ABHD17C: variants seen among roughly 807,000 people sequenced by gnomAD.
ABHD17C encodes the protein alpha/beta hydrolase domain-containing protein 17C.
ABHD17C carries 11 observed loss-of-function variants against 27.9 expected under a neutral mutation model. The observed-to-expected ratio is 0.39, with a 90% CI of 0.25 to 0.65. The LOEUF is 0.65. Ranked by LOEUF, ABHD17C falls within the 30% of genes least tolerant of loss-of-function variation. The pLI is 0.45. For missense variants in ABHD17C, 280 were observed against 470.2 expected (o/e 0.60, Z 3.74); for synonymous variants, 233 against 209.1 (o/e 1.11, Z -0.98).
At position 80,713,643 on chromosome 15, in the gene ABHD17C, A is replaced by G. The variant is rs1427363799; in HGVS notation, c.590+17624A>G. ...GCCAACATAGTGAAACTCCGTCTCTACTAAAAATACAAAAAATTAGCCGAG... is the reference window on the plus strand; with the variant it reads ...GCCAACATAGTGAAACTCCGTCTCTGCTAAAAATACAAAAAATTAGCCGAG... On this transcript the variant is annotated intron_variant, in intron 1 of 2. Transcript: ENST00000258884. Among the ~76,000 whole-genome samples, 4 of 151,958 alleles carry G rather than the reference A, an allele frequency of 2.6e-5. No individual in the cohort carries two copies. The South Asian group carries it at 8.3e-4, about 32-fold the overall frequency.
intron 1 of ABHD17C, among the ~76,000 whole-genome samples, chr15:80,744,130 T>G (rs573658748): frequency 6.9e-6 from 1 of 144,404 alleles, no homozygotes; most frequent in South Asian, 2.2e-4. Flanking sequence ...TTTATGTAAT[T>G]TAATCTGAGA....
At chr15:80,734,847 G>A (rs988656049) in intron 1 of ABHD17C, among the ~76,000 whole-genome samples, 2 of 152,212 alleles carry the variant, frequency 1.3e-5, no homozygotes, top group South Asian at 2.1e-4. Flanking sequence ...ATTAGGTAAA[G>A]CTTGTCTTGA....
chr15:80,749,984 A>G (rs1366343951), intron 2 of ABHD17C, among the ~76,000 whole-genome samples: 4 of 152,182 alleles, frequency 2.6e-5, no homozygotes, highest in Admixed American at 2.6e-4. Flanking sequence ...AACAGCACCC[A>G]TACATCCTAA....
At chr15:80,720,102 C>G (rs1894872551) in intron 1 of ABHD17C, among the ~76,000 whole-genome samples, 1 of 152,170 alleles carries the variant, frequency 6.6e-6, no homozygotes, top group Non-Finnish European at 1.5e-5. Flanking sequence ...AACCAGCCTC[C>G]TTTTCTTTTT....
At chr15:80,750,571 G>A (rs1895352878) in intron 2 of ABHD17C, among the ~76,000 whole-genome samples, 2 of 152,120 alleles carry the variant, frequency 1.3e-5, no homozygotes, top group African/African-American at 4.8e-5. Context: ...AAAGATCATC[G>A]TTTGGTTACA....
chr15:80,737,921 T>C (rs1195426948), intron 1 of ABHD17C, among the ~76,000 whole-genome samples: 1 of 152,164 alleles, frequency 6.6e-6, no homozygotes, highest in African/African-American at 2.4e-5. Flanking sequence ...AGCACAGTGA[T>C]TGTCCAAAGA....
At chr15:80,723,495 G>A (rs554009398) in intron 1 of ABHD17C, among the ~76,000 whole-genome samples, 1 of 152,124 alleles carries the variant, frequency 6.6e-6, no homozygotes, top group Non-Finnish European at 1.5e-5. Flanking sequence ...ATCTCTTGTT[G>A]AATTACCATA....
At chr15:80,713,284 A>G (rs538962147) in intron 1 of ABHD17C, among the ~76,000 whole-genome samples, 28 of 143,386 alleles carry the variant, frequency 2.0e-4, no homozygotes, top group Non-Finnish European at 3.0e-4. Flanking sequence ...CTATGAGAGT[A>G]TAGTTAAGGG....
chr15:80,745,646 C>A (rs571480316), intron 1 of ABHD17C, among the ~76,000 whole-genome samples: 1 of 151,804 alleles, frequency 6.6e-6, no homozygotes, highest in African/African-American at 2.4e-5. Flanking sequence ...GGATTACAGG[C>A]GTGAGCCATC....
chr15:80,731,952 T>C (rs1308322047), intron 1 of ABHD17C, among the ~76,000 whole-genome samples: 1 of 152,240 alleles, frequency 6.6e-6, no homozygotes, highest in Admixed American at 6.5e-5. Context: ...TGTGCAGCCA[T>C]CACCACCATT....
chr15:80,728,985 G>A (rs1895020655), intron 1 of ABHD17C, among the ~76,000 whole-genome samples: 2 of 152,190 alleles, frequency 1.3e-5, no homozygotes, highest in South Asian at 4.1e-4. Context: ...CACATGAAAC[G>A]AATTGGCAAG....
rs181062569 is a variant in ABHD17C at position 80,723,758 on chromosome 15, G to A, written c.591-25755G>A. Among the ~76,000 whole-genome samples, 465 of 152,328 alleles carry A rather than the reference G, an allele frequency of 3.1e-3. 4 individuals carry two copies. The highest frequency in any genetic ancestry group is 6.9e-3 in the Admixed American group (106 of 15,298). On this transcript the variant is annotated intron_variant, in intron 1 of 2. Transcript: ENST00000258884. ...ACACAGAATCAGTGCAGGAAGAGAG[G>A]CTGCTGCTTTGCGTGGCCGATGGCA...
At chr15:80,708,077 G>A (rs1409339423) in intron 1 of ABHD17C, among the ~76,000 whole-genome samples, 1 of 152,132 alleles carries the variant, frequency 6.6e-6, no homozygotes, top group Non-Finnish European at 1.5e-5. Context: ...TCATGCCCCT[G>A]TCACTCTCTT....
Position 80,717,915 on chromosome 15 carries a change from C to T in ABHD17C, c.590+21896C>T, listed in dbSNP as rs962485290. On this transcript the variant is annotated intron_variant, in intron 1 of 2. Transcript: ENST00000258884. ...TCACAAGTACTGCTGAGTAAGGATGCTGCTGCTCGCCTAACGGAACTACTA... is the reference window on the plus strand; with the variant it reads ...TCACAAGTACTGCTGAGTAAGGATGTTGCTGCTCGCCTAACGGAACTACTA... Among the ~76,000 whole-genome samples the T allele has an allele frequency of 2.6e-5, 4 of 152,264 alleles. No homozygotes were observed. In the South Asian group the frequency reaches 8.3e-4, roughly 32 times the overall value.
At chr15:80,717,496 C>G (rs1355878750) in intron 1 of ABHD17C, among the ~76,000 whole-genome samples, 1 of 151,580 alleles carries the variant, frequency 6.6e-6, no homozygotes, top group East Asian at 1.9e-4. Flanking sequence ...CAGTTTCAAG[C>G]GATTCTCATG....
chr15:80,696,060 G>GGGA (rs1567028781), intron 1 of ABHD17C, 41 bp downstream of exon 1: 1 of 1,507,686 alleles, frequency 6.6e-7, no homozygotes, highest in South Asian at 1.2e-5. Flanking sequence ...TCCAGCTGTG[G>GGGA]GGAGGCGGGG....
intron 1 of ABHD17C, among the ~76,000 whole-genome samples, chr15:80,748,402 G>A (rs977344819): frequency 3.9e-5 from 6 of 152,150 alleles, no homozygotes; most frequent in African/African-American, 1.4e-4. Flanking sequence ...AAGTAACAGC[G>A]TTCCACTTTT....
chr15:80,751,132 C>T (rs1000303708), intron 2 of ABHD17C, among the ~76,000 whole-genome samples: 3 of 151,118 alleles, frequency 2.0e-5, no homozygotes, highest in South Asian at 2.1e-4. Context: ...GGTGGATTGC[C>T]AGAATTCAGG....
rs553916216 is a variant in ABHD17C, at chr15:80,697,607, T to G, written c.590+1588T>G. Among the ~76,000 whole-genome samples the G allele has an allele frequency of 5.3e-5, 8 of 151,756 alleles. No homozygotes were observed. The South Asian group carries it at 1.0e-3, about 20-fold the overall frequency. ...TGTCTGTGTTACAGCTTACGTGGAG[T>G]GTAGTTATTTCCTGGAAACTTTTTT... On this transcript the variant is annotated intron_variant, in intron 1 of 2. Transcript: ENST00000258884.
Sources: gnomAD v4.1 joint callset for allele counts (sites outside exome capture counted in the v4.1 genomes callset) on GRCh38, gnomAD v4.1.1 for gene constraint, MANE v1.5 for transcripts, NCBI Gene and HGNC (gene_info 2026-07-23, HGNC 2026-07-21) for gene names.